RIMBP2: variants seen among roughly 807,000 people sequenced by gnomAD.
The protein encoded by RIMBP2 is RIMS-binding protein 2.
RIMBP2 carries 48 observed loss-of-function variants against 118.6 expected under a neutral mutation model. That is an observed-to-expected ratio of 0.40 (90% CI 0.32 to 0.51). The LOEUF is 0.51. RIMBP2 is among the 20% of genes least tolerant of loss of function. RIMBP2 has a pLI of 0.41. For missense variants in RIMBP2, 1,551 were observed against 1,768.3 expected (o/e 0.88, Z 2.20); for synonymous variants, 762 against 742.9 (o/e 1.03, Z -0.42).
chr12:130,642,654 C>A (rs371292732), intron 1 of RIMBP2, among the ~76,000 whole-genome samples: 2 of 152,320 alleles, frequency 1.3e-5, no homozygotes, highest in East Asian at 1.9e-4. Context: ...CAACCCACAT[C>A]GACTAACATG....
chr12:130,506,684 G>A lies in RIMBP2; in HGVS notation c.-40C>T, dbSNP rs1189387571. The A allele has an allele frequency of 1.0e-6, 1 of 985,632 alleles. No homozygotes were observed. The highest frequency in any genetic ancestry group is 6.2e-5 in the Admixed American group (1 of 16,252). 61.1% of individuals were successfully genotyped at this position (985,632 alleles called of 1,614,324 possible). A position where few individuals can be genotyped will look rare whatever the true frequency, so the allele number is the denominator to read the frequency against. ...GTTCTAGGTTCTCCAGCTTGGCTTG[G>A]AGCTGGTGTTTCTCCTTCACGGCCA... is the stretch of plus-strand genomic sequence containing the variant. On this transcript the variant is annotated 5_prime_UTR_variant, in exon 4 of 23. Transcript: ENST00000690449.
intron 1 of RIMBP2, among the ~76,000 whole-genome samples, chr12:130,637,147 C>T (rs1048563309): frequency 2.0e-5 from 3 of 152,204 alleles, no homozygotes; most frequent in African/African-American, 4.8e-5. Context: ...AGATGTTCTG[C>T]GGAGCTGCAT....
chr12:130,612,231 G>T (rs576573688), intron 2 of RIMBP2, among the ~76,000 whole-genome samples: 2 of 152,130 alleles, frequency 1.3e-5, no homozygotes, highest in East Asian at 1.9e-4. Context: ...CCACCTGTTC[G>T]CTCCTCAGCC....
intron 17 of RIMBP2, among the ~76,000 whole-genome samples, chr12:130,421,673 A>T (rs2076413629): frequency 7.0e-6 from 1 of 142,176 alleles, no homozygotes; most frequent in South Asian, 2.2e-4. Flanking sequence ...CTGTATCAAG[A>T]GTTCTCCCTG....
Position 130,424,344 on chromosome 12 carries a change from T to C in RIMBP2, c.2927A>G (p.Glu976Gly). ...GAGGAGGCCACCAGGGCCCACCTGC[T>C]CCCCAAAGTCCTCCTCCACGCTGCT... is the stretch of plus-strand genomic sequence containing the variant. ...RQSSVEEDFG[E>G]QVGPGGLLRN... is the part of the protein sequence containing the mutation. The change falls in exon 16 of 23, where the codon GAG becomes GGG. Residue 976 changes from glutamate to glycine, a missense_variant. This residue lies in a region of RIMBP2 where 1,038 missense variants were observed against 1,125.1 expected (regional missense o/e 0.92). Transcript: ENST00000690449. The surrounding 1 kb of genome is among the most constrained non-coding windows in gnomAD (Gnocchi z 9.8). 8.1e-7 allele frequency: 1 copy of C among 1,232,032 alleles called. No homozygotes were observed. The highest frequency in any genetic ancestry group is 1.0e-6 in the Non-Finnish European group (1 of 987,864). 76.3% of individuals were successfully genotyped at this position (1,232,032 alleles called of 1,614,324 possible). A position where few individuals can be genotyped will look rare whatever the true frequency, so the allele number is the denominator to read the frequency against.
At chr12:130,616,061 G>A (rs1430588914) in intron 2 of RIMBP2, among the ~76,000 whole-genome samples, 1 of 152,140 alleles carries the variant, frequency 6.6e-6, no homozygotes, top group Non-Finnish European at 1.5e-5. Context: ...ACACACCCTA[G>A]CCTTTTGCAT....
Position 130,622,864 on chromosome 12 carries a change from A to G in RIMBP2, c.-217+5458T>C, listed in dbSNP as rs2061403877. Among the ~76,000 whole-genome samples the G allele has an allele frequency of 1.3e-5, 2 of 152,314 alleles. No individual in the cohort carries two copies. Among genetic ancestry groups the G allele is most frequent in the South Asian group, 4.1e-4 (2 of 4,826 alleles). ...CTGACCCTGCTCAATGCTTAGATGTAACCTCTGTTCCCAGAGCTCATGGCA... is the reference window on the plus strand; with the variant it reads ...CTGACCCTGCTCAATGCTTAGATGTGACCTCTGTTCCCAGAGCTCATGGCA... On this transcript the variant is annotated intron_variant, in intron 2 of 22. Transcript: ENST00000690449. This position sits in a 1 kb window ranked among gnomAD's most constrained non-coding sequence, Gnocchi z 8.5.
chr12:130,425,422 G>A (rs2076719601), intron 15 of RIMBP2: 1 of 152,518 alleles, frequency 6.6e-6, no homozygotes, highest in African/African-American at 2.4e-5. Context: ...TAAGATACAA[G>A]CTGCGTGAAA....
intron 2 of RIMBP2, among the ~76,000 whole-genome samples, chr12:130,521,187 C>G (rs2052069845): frequency 1.3e-5 from 2 of 152,196 alleles, no homozygotes; most frequent in African/African-American, 4.8e-5. Context: ...CCAGAGCTGT[C>G]CACACAGGGA....
intron 19 of RIMBP2, among the ~76,000 whole-genome samples, chr12:130,411,214 C>T (rs964127139): frequency 2.6e-5 from 4 of 152,192 alleles, no homozygotes; most frequent in Non-Finnish European, 5.9e-5. Context: ...GATGTTGCTA[C>T]ACTCCATTTG....
chr12:130,401,189 C>T (rs763130656), intron 21 of RIMBP2, among the ~76,000 whole-genome samples: 1 of 152,052 alleles, frequency 6.6e-6, no homozygotes, highest in African/African-American at 2.4e-5. Flanking sequence ...GATCTCGGCT[C>T]ACTGCCACCT....
chr12:130,591,611 G>T (rs900758184), intron 2 of RIMBP2, among the ~76,000 whole-genome samples: 2 of 152,208 alleles, frequency 1.3e-5, no homozygotes, highest in Admixed American at 1.3e-4. Flanking sequence ...GCCCCTTCCA[G>T]CTTCTGGGGG....
At chr12:130,655,710 C>T (rs1291162606) in intron 1 of RIMBP2, among the ~76,000 whole-genome samples, 3 of 152,212 alleles carry the variant, frequency 2.0e-5, no homozygotes, top group Admixed American at 1.3e-4. Context: ...CAGGCAAACA[C>T]AGATACATAT....
chr12:130,477,752 G>A (rs538764261), intron 5 of RIMBP2, among the ~76,000 whole-genome samples: 1 of 152,238 alleles, frequency 6.6e-6, no homozygotes, highest in African/African-American at 2.4e-5. Flanking sequence ...CCCCAGGCTG[G>A]GTGAATGACT....
chr12:130,406,540 T>C (rs866960289), intron 20 of RIMBP2, among the ~76,000 whole-genome samples: 3 of 152,238 alleles, frequency 2.0e-5, no homozygotes, highest in Admixed American at 6.5e-5. Context: ...AGTGAAATGG[T>C]TAATTGTAAA....
At chr12:130,529,053 C>T (rs1243610868) in intron 2 of RIMBP2, among the ~76,000 whole-genome samples, 5 of 152,186 alleles carry the variant, frequency 3.3e-5, no homozygotes, top group Non-Finnish European at 7.3e-5. Flanking sequence ...ACCCAAGTGT[C>T]GATTGATGGA....
intron 1 of RIMBP2, among the ~76,000 whole-genome samples, chr12:130,677,399 A>G (rs538943205): frequency 2.0e-5 from 3 of 152,200 alleles, no homozygotes; most frequent in Non-Finnish European, 2.9e-5. Flanking sequence ...AGGCCAAGGC[A>G]GGCAGATCAC....
intron 2 of RIMBP2, among the ~76,000 whole-genome samples, chr12:130,534,167 A>C (rs1241753580): frequency 2.0e-5 from 1 of 51,194 alleles, no homozygotes; most frequent in African/African-American, 1.3e-4. Context: ...CTCCATCTTA[A>C]AAAAAAAAAA....
intron 6 of RIMBP2, among the ~76,000 whole-genome samples, chr12:130,459,955 G>A (rs1236655353): frequency 6.6e-6 from 1 of 152,216 alleles, no homozygotes; most frequent in Non-Finnish European, 1.5e-5. Flanking sequence ...GTTAGTTCAC[G>A]ACTTGGCACA....
Sources: allele counts gnomAD v4.1 joint callset (sites outside exome capture counted in the v4.1 genomes callset), GRCh38; gene constraint gnomAD v4.1.1; regional missense constraint gnomAD v4.1.1; non-coding constraint Gnocchi (gnomAD v3.1); transcripts MANE v1.5; gene names NCBI Gene and HGNC (gene_info 2026-07-23, HGNC 2026-07-21).